PXK: variants seen among roughly 807,000 people sequenced by gnomAD.
PXK encodes the protein PX domain containing serine/threonine kinase like.
A neutral mutation model predicts 84.7 loss-of-function variants in PXK; 35 were observed. The ratio of observed to expected loss-of-function variants is 0.41; its 90% confidence interval spans 0.32 to 0.55. PXK has a LOEUF of 0.55. PXK is among the 20% of genes least tolerant of loss of function. The probability of loss-of-function intolerance (pLI) is 0.21; values close to 1 mark genes in which losing one functional copy is unlikely to be tolerated. For missense variants in PXK, 634 were observed against 699.7 expected (o/e 0.91, Z 1.06); for synonymous variants, 253 against 260.8 (o/e 0.97, Z 0.29).
chr3:58,342,853 C>T (rs544670004), intron 1 of PXK, among the ~76,000 whole-genome samples: 4 of 152,178 alleles, frequency 2.6e-5, no homozygotes, highest in Admixed American at 6.5e-5. Flanking sequence ...GCTTGCCTGG[C>T]GCGTTTAAGT....
intron 1 of PXK, among the ~76,000 whole-genome samples, chr3:58,360,219 A>T (rs1575983999): frequency 6.6e-6 from 1 of 152,228 alleles, no homozygotes; most frequent in Admixed American, 6.5e-5. Flanking sequence ...CATGCCAAGT[A>T]CATAATAATT....
At chr3:58,354,940 A>G (rs2098037321) in intron 1 of PXK, among the ~76,000 whole-genome samples, 1 of 151,982 alleles carries the variant, frequency 6.6e-6, no homozygotes. Flanking sequence ...CCAACATGGT[A>G]AAATCCCGTC....
At chr3:58,422,698 G>A (rs2062091685) in intron 17 of PXK, 1 of 985,208 alleles carries the variant, frequency 1.0e-6, no homozygotes, top group South Asian at 4.7e-5. Flanking sequence ...TCTCTGTGAG[G>A]CCAAGCAGTT....
intron 4 of PXK, among the ~76,000 whole-genome samples, chr3:58,386,669 C>T (rs948907517): frequency 6.6e-6 from 1 of 152,158 alleles, no homozygotes; most frequent in Non-Finnish European, 1.5e-5. Flanking sequence ...CTTCCTGCCT[C>T]AGTCCTTATA....
chr3:58,391,272 G>C (rs758617075), intron 6 of PXK, 52 bp downstream of exon 6: 1 of 1,444,508 alleles, frequency 6.9e-7, no homozygotes, highest in East Asian at 2.3e-5. Flanking sequence ...ATGGGTTAAT[G>C]AAAGCAGATT....
At chr3:58,343,508 TC>T (rs1483271227) in intron 1 of PXK, among the ~76,000 whole-genome samples, 2 of 152,178 alleles carry the variant, frequency 1.3e-5, no homozygotes, top group African/African-American at 4.8e-5. Flanking sequence ...AGTGTTGTGG[TC>T]TCCAGGAATG....
intron 13 of PXK, 81 bp from the exon 14 acceptor site, chr3:58,408,843 C>G (rs2059774497): frequency 1.8e-6 from 2 of 1,099,884 alleles, no homozygotes; most frequent in African/African-American, 3.1e-5. Flanking sequence ...TGATAACCAC[C>G]TGCTCCTTCA....
intron 1 of PXK, among the ~76,000 whole-genome samples, chr3:58,344,084 CG>C (rs1346940623): frequency 6.6e-6 from 1 of 152,038 alleles, no homozygotes; most frequent in Non-Finnish European, 1.5e-5. Flanking sequence ...GACAAATTGC[CG>C]CTTGATTTCT....
chr3:58,380,535 G>A (rs1221064682), intron 3 of PXK, among the ~76,000 whole-genome samples: 2 of 152,226 alleles, frequency 1.3e-5, no homozygotes, highest in East Asian at 3.8e-4. Flanking sequence ...GAAAGGCCGG[G>A]TGCAGTGGCT....
At chr3:58,393,901 G>A (rs1196985651) in intron 7 of PXK, among the ~76,000 whole-genome samples, 1 of 152,048 alleles carries the variant, frequency 6.6e-6, no homozygotes, top group African/African-American at 2.4e-5. Flanking sequence ...ATTTATATTA[G>A]TATGTACTCA....
rs1276086242 is a variant in PXK, at chr3:58,416,443, A to C, written c.1528+3480A>C. On this transcript the variant is annotated intron_variant, in intron 17 of 17. Coordinates refer to ENST00000356151, the MANE Select transcript of PXK (RefSeq NM_017771.5). This position sits in a 1 kb window ranked among gnomAD's most constrained non-coding sequence, Gnocchi z 4.8. Reference sequence around the variant, plus strand: ...ATTGTGATTGGACAAAAAGGGTATGATCTAACCCCAGCAAGGCCTGTTTGT... The same window carrying C: ...ATTGTGATTGGACAAAAAGGGTATGCTCTAACCCCAGCAAGGCCTGTTTGT... 6.6e-6 allele frequency among the ~76,000 whole-genome samples: 1 copy of C among 152,128 alleles called. No homozygotes were observed. Among genetic ancestry groups the C allele is most frequent in the Admixed American group, 6.5e-5 (1 of 15,280 alleles).
intron 17 of PXK, among the ~76,000 whole-genome samples, chr3:58,419,518 G>A (rs1323573003): frequency 6.6e-6 from 1 of 152,268 alleles, no homozygotes; most frequent in Non-Finnish European, 1.5e-5. Context: ...CTCCCAAAGT[G>A]CTGGGATTAC....
intron 1 of PXK, among the ~76,000 whole-genome samples, chr3:58,356,132 G>A (rs2098074520): frequency 6.6e-6 from 1 of 152,178 alleles, no homozygotes; most frequent in Non-Finnish European, 1.5e-5. Context: ...TGGTGCAAGT[G>A]CATTTCCAGT....
At chr3:58,423,531 C>T (rs766141784) in intron 17 of PXK, 139 of 1,535,620 alleles carry the variant, frequency 9.1e-5, no homozygotes, top group Non-Finnish European at 1.2e-4. Context: ...TAACCCATAC[C>T]TGTCACACTT....
At chr3:58,424,091 C>T (rs1409015579) in intron 17 of PXK, among the ~76,000 whole-genome samples, 2 of 152,140 alleles carry the variant, frequency 1.3e-5, no homozygotes, top group Non-Finnish European at 2.9e-5. Flanking sequence ...ACCCCTCTGC[C>T]CCCTGCTTTG....
At chr3:58,356,955 T>G (rs1482081651) in intron 1 of PXK, among the ~76,000 whole-genome samples, 3 of 151,664 alleles carry the variant, frequency 2.0e-5, no homozygotes, top group African/African-American at 7.3e-5. Flanking sequence ...ACAGTTCCCT[T>G]TTGATTAGGC....
In PXK at chr3:58,397,694, C is replaced by CCCTCCTG; in HGVS notation, c.1074_1075insCCTCCTG (p.Phe359ProfsTer22). Reference sequence around the variant, plus strand: ...CGCCAGACTCGGTGCCTGTGGACTCCTTCCCTCCTGCCCCGTCCATGGCTG... The same window carrying CCCTCCTG: ...CGCCAGACTCGGTGCCTGTGGACTCCCCTCCTGTTCCCTCCTGCCCCGTCCATGGCTG... On this transcript the variant is annotated frameshift_variant, in exon 11 of 18. Transcript: ENST00000356151. LOFTEE classifies it high-confidence loss of function. This position sits in a 1 kb window ranked among gnomAD's most constrained non-coding sequence, Gnocchi z 4.7. The CCCTCCTG allele has an allele frequency of 6.2e-7, 1 of 1,613,950 alleles. No homozygotes were observed. The highest frequency in any genetic ancestry group is 8.5e-7 in the Non-Finnish European group (1 of 1,179,880).
At chr3:58,360,532 C>T (rs1430128198) in intron 1 of PXK, among the ~76,000 whole-genome samples, 1 of 152,050 alleles carries the variant, frequency 6.6e-6, no homozygotes, top group African/African-American at 2.4e-5. Context: ...CGCAGTGGCT[C>T]ATACCTGTAA....
intron 1 of PXK, among the ~76,000 whole-genome samples, chr3:58,343,716 T>C (rs188025227): frequency 2.6e-4 from 39 of 152,332 alleles, no homozygotes; most frequent in African/African-American, 9.1e-4. Flanking sequence ...GCTGGGTTGA[T>C]TCAATTTCAA....
Sources: gnomAD v4.1 joint callset for allele counts (sites outside exome capture counted in the v4.1 genomes callset) on GRCh38, gnomAD v4.1.1 for gene constraint, Gnocchi (gnomAD v3.1) non-coding constraint, MANE v1.5 for transcripts, NCBI Gene and HGNC (gene_info 2026-07-23, HGNC 2026-07-21) for gene names.